Variants in DAB1 observed in about 807,000 individuals in gnomAD.
DAB1 encodes the protein DAB adaptor protein 1.
In DAB1, 15 loss-of-function variants were observed where a neutral mutation model predicts 64.6. The ratio of observed to expected loss-of-function variants is 0.23; its 90% CI spans 0.16 to 0.36. The LOEUF is 0.36. Ranked by LOEUF, DAB1 falls within the 10% of genes least tolerant of loss-of-function variation. The pLI is 1.00. For missense variants in DAB1, 596 were observed against 706.7 expected (o/e 0.84, Z 1.78); for synonymous variants, 235 against 251.9 (o/e 0.93, Z 0.64).
intron 2 of DAB1, among the ~76,000 whole-genome samples, chr1:57,185,917 C>A (rs1182797934): frequency 1.3e-5 from 2 of 152,054 alleles, no homozygotes; most frequent in Admixed American, 1.3e-4. Flanking sequence ...AGAAGCAGAA[C>A]CGTGGACAAT....
At chr1:58,071,176 T>C (rs1045266709) in intron 5 of DAB1, among the ~76,000 whole-genome samples, 7 of 152,144 alleles carry the variant, frequency 4.6e-5, no homozygotes, top group Non-Finnish European at 1.0e-4. Flanking sequence ...AATCTACATT[T>C]GCTTTTAAAG....
chr1:57,789,357 CCTGT>C (rs1650486863), intron 6 of DAB1, among the ~76,000 whole-genome samples: 1 of 152,170 alleles, frequency 6.6e-6, no homozygotes, highest in Non-Finnish European at 1.5e-5. Flanking sequence ...CCCAAATCAG[CCTGT>C]CTTAGTCAGC....
At chr1:57,360,584 G>A (rs1303919422) in intron 1 of DAB1, among the ~76,000 whole-genome samples, 3 of 152,070 alleles carry the variant, frequency 2.0e-5, no homozygotes, top group Non-Finnish European at 4.4e-5. Context: ...GGTCTCTAGG[G>A]AATTCTGTAA....
At position 58,376,518 on chromosome 1, in the gene DAB1, G is replaced by C. The variant is rs1268020654; in HGVS notation, n.258-33115C>G. On this transcript the variant is annotated intron_variant and non_coding_transcript_variant, in intron 3 of 20. Transcript: ENST00000485760. ...GTGAGATTCTTAATCCTGAGTTCTA[G>C]TTTGATTGCACTGTGGTCTGAGAGA... Among the ~76,000 whole-genome samples the C allele has an allele frequency of 8.3e-5, 12 of 144,430 alleles. 3 individuals carry two copies. Among genetic ancestry groups the C allele is most frequent in the African/African-American group, 3.1e-4 (12 of 38,652 alleles). The allele number at this position is 144,430 out of a possible 152,430, so 94.8% of individuals were successfully genotyped here.
intron 7 of DAB1, among the ~76,000 whole-genome samples, chr1:57,437,263 T>G (rs901563574): frequency 1.3e-5 from 2 of 152,098 alleles, no homozygotes; most frequent in East Asian, 3.9e-4. Context: ...TTCTCTTCCC[T>G]TCTGTCCCAA....
intron 4 of DAB1, among the ~76,000 whole-genome samples, chr1:58,151,526 G>T (rs894184114): frequency 6.6e-6 from 1 of 152,124 alleles, no homozygotes; most frequent in Non-Finnish European, 1.5e-5. Flanking sequence ...TTTTTGTTAA[G>T]TATTCTTCTC....
intron 3 of DAB1, among the ~76,000 whole-genome samples, chr1:58,445,107 A>G (rs770286766): frequency 1.3e-5 from 2 of 152,170 alleles, no homozygotes; most frequent in African/African-American, 4.8e-5. Flanking sequence ...GGTCCTGGGC[A>G]AACAATGACA....
intron 2 of DAB1, among the ~76,000 whole-genome samples, chr1:58,518,462 G>A (rs1406197908): frequency 1.3e-5 from 2 of 151,956 alleles, no homozygotes; most frequent in Admixed American, 6.6e-5. Context: ...GAATGGAATG[G>A]AGGGGAGTAG....
chr1:58,532,374 A>T (rs914934382), intron 1 of DAB1, among the ~76,000 whole-genome samples: 13 of 152,224 alleles, frequency 8.5e-5, no homozygotes, highest in Non-Finnish European at 1.5e-5. Context: ...TGCCTAAAAA[A>T]CAAATGTACT....
At chr1:57,082,006 A>C (rs914294988) in intron 4 of DAB1, among the ~76,000 whole-genome samples, 5 of 152,174 alleles carry the variant, frequency 3.3e-5, no homozygotes, top group African/African-American at 1.2e-4. Context: ...TACTCCTAGC[A>C]CTGTTCACCA....
chr1:58,505,077 C>G (rs949430751), intron 3 of DAB1, among the ~76,000 whole-genome samples: 1 of 152,112 alleles, frequency 6.6e-6, no homozygotes, highest in Non-Finnish European at 1.5e-5. Context: ...CTCAATCTCC[C>G]GAGTAGCTGG....
intron 5 of DAB1, among the ~76,000 whole-genome samples, chr1:57,983,864 T>C: frequency 6.6e-6 from 1 of 152,080 alleles, no homozygotes; most frequent in East Asian, 1.9e-4. Flanking sequence ...GAGCCCGAAA[T>C]GTGTTTGCAG....
chr1:57,619,453 T>C (rs929452230), intron 7 of DAB1, among the ~76,000 whole-genome samples: 10 of 152,322 alleles, frequency 6.6e-5, no homozygotes, highest in South Asian at 6.2e-4. Context: ...CATGCTGGAA[T>C]GCAGTGGTGC....
intron 5 of DAB1, among the ~76,000 whole-genome samples, chr1:58,076,552 T>C (rs1304051300): frequency 2.0e-5 from 3 of 152,232 alleles, no homozygotes; most frequent in African/African-American, 7.2e-5. Flanking sequence ...CACTAAAGGA[T>C]TGTTGTCACT....
At chr1:57,804,917 T>A (rs566913155) in intron 6 of DAB1, among the ~76,000 whole-genome samples, 3 of 152,236 alleles carry the variant, frequency 2.0e-5, no homozygotes, top group Non-Finnish European at 4.4e-5. Flanking sequence ...GAGATTTGTA[T>A]TTTTTGTTGT....
chr1:57,456,203 T>C (rs1686586162), intron 7 of DAB1, among the ~76,000 whole-genome samples: 1 of 152,204 alleles, frequency 6.6e-6, no homozygotes, highest in Non-Finnish European at 1.5e-5. Context: ...AGTGCTCAGG[T>C]ATTTCATTTT....
intron 5 of DAB1, among the ~76,000 whole-genome samples, chr1:57,987,545 C>T (rs534859690): frequency 6.6e-6 from 1 of 152,320 alleles, no homozygotes; most frequent in South Asian, 2.1e-4. Flanking sequence ...GACATGTGCT[C>T]TTTCCACTGT....
chr1:57,584,553 C>G (rs1173889883), intron 7 of DAB1, among the ~76,000 whole-genome samples: 1 of 152,138 alleles, frequency 6.6e-6, no homozygotes, highest in Non-Finnish European at 1.5e-5. Flanking sequence ...GACCTGGGCT[C>G]GGCACCTCTG....
intron 2 of DAB1, chr1:58,527,158 C>A: frequency 1.3e-6 from 1 of 744,454 alleles, no homozygotes; most frequent in South Asian, 1.4e-5. Flanking sequence ...CTAATACAGT[C>A]CAACTCTCAT....
Sources: gnomAD v4.1 joint callset for allele counts (sites outside exome capture counted in the v4.1 genomes callset) on GRCh38, gnomAD v4.1.1 for gene constraint, MANE v1.5 for transcripts, NCBI Gene and HGNC (gene_info 2026-07-23, HGNC 2026-07-21) for gene names.